NIPBL: variants seen among roughly 807,000 people sequenced by gnomAD.
NIPBL encodes the protein NIPBL cohesin loading factor.
NIPBL carries 19 observed loss-of-function variants against 321.8 expected under a neutral mutation model. That is an observed-to-expected ratio of 0.06 (90% CI 0.04 to 0.09). The LOEUF (loss-of-function observed/expected upper bound fraction) is 0.09, where lower values mean the gene tolerates loss of function less well. Among genes scored for constraint, NIPBL ranks in the 10% least tolerant of loss-of-function variants. The pLI is 1.00. For synonymous variants in NIPBL, 1,106 were observed against 1,114.1 expected (o/e 0.99, Z 0.14); for missense variants, 2,210 against 3,327.0 (o/e 0.66, Z 8.26).
At chr5:36,894,045 T>A (rs2149526912) in intron 1 of NIPBL, among the ~76,000 whole-genome samples, 1 of 152,298 alleles carries the variant, frequency 6.6e-6, no homozygotes, top group East Asian at 1.9e-4. Flanking sequence ...TACTTAAAAA[T>A]ATAAACCATG....
At chr5:36,900,420 A>G (rs1747112208) in intron 1 of NIPBL, among the ~76,000 whole-genome samples, 1 of 152,154 alleles carries the variant, frequency 6.6e-6, no homozygotes, top group Admixed American at 6.5e-5. Flanking sequence ...CTCAGGGCCA[A>G]AGGGGACTGT....
chr5:36,986,275 A>G lies in NIPBL; in HGVS notation c.3095A>G (p.Lys1032Arg). 2 of 1,524,938 alleles carry G rather than the reference A, an allele frequency of 1.3e-6. No individual in the cohort carries two copies. Among genetic ancestry groups the G allele is most frequent in the East Asian group, 2.3e-5 (1 of 44,294 alleles). The allele number at this position is 1,524,938 out of a possible 1,614,324, so 94.5% of individuals were successfully genotyped here. The part of the protein sequence containing the change: ...DKSRSSLKPI[K>R]NKPSKSNKGS... The stretch of plus-strand genomic sequence containing the variant: ...TCAAGAAGTTCCCTTAAACCTATCA[A>G]GAATAAACCATCAAAGTCAAATAAA... Residue 1032 changes from lysine (K) to arginine (R), a missense_variant, in exon 10 of 47, where the codon AAG (lysine) becomes AGG (arginine). Lys to Arg is a conservative substitution (Grantham distance 26). Coordinates refer to ENST00000282516, the MANE Select transcript of NIPBL (RefSeq NM_133433.4).
In NIPBL at chr5:36,876,963, C is replaced by T. The variant is rs1358814378; in HGVS notation, c.-295C>T. 2.5e-6 allele frequency: 1 copy of T among 394,292 alleles called. No homozygotes were observed. The highest frequency in any genetic ancestry group is 2.1e-5 in the African/African-American group (1 of 48,198). The allele number at this position is 394,292 out of a possible 1,614,324, so 24.4% of individuals were successfully genotyped here. ...CCCCCCGGTAGCTCGGGCCCGTGGT[C>T]GGGTGTTTGTGAGTGTTTCTATGTG... On this transcript the variant is annotated 5_prime_UTR_variant, in exon 1 of 47. Coordinates refer to ENST00000282516, the MANE Select transcript of NIPBL (RefSeq NM_133433.4).
At chr5:36,992,710 TTTTATTTA>T (rs70976270) in intron 10 of NIPBL, among the ~76,000 whole-genome samples, 9,601 of 137,640 alleles carry the variant, frequency 0.07, 386 homozygotes, top group African/African-American at 0.097. Context: ...AAGTCATGCA[TTTTATTTA>T]TTTATTTATT....
At chr5:36,901,834 C>A (rs1580184788) in intron 1 of NIPBL, among the ~76,000 whole-genome samples, 1 of 152,116 alleles carries the variant, frequency 6.6e-6, no homozygotes, top group East Asian at 1.9e-4. Context: ...AATTGCTGAA[C>A]TGTTTTCCAC....
intron 1 of NIPBL, among the ~76,000 whole-genome samples, chr5:36,893,187 A>G (rs1193475686): frequency 6.6e-6 from 1 of 152,218 alleles, no homozygotes; most frequent in Non-Finnish European, 1.5e-5. Context: ...TACTAAATCC[A>G]TACATACACT....
rs1050323690 is a variant in NIPBL, at chr5:37,000,750, G to A, written c.3503-67G>A. The A allele has an allele frequency of 2.8e-6, 4 of 1,437,216 alleles. No individual in the cohort carries two copies. In the South Asian group the frequency reaches 3.5e-5, roughly 13 times the overall value. The allele number at this position is 1,437,216 out of a possible 1,614,324, so 89.0% of individuals were successfully genotyped here. A position where few individuals can be genotyped will look rare whatever the true frequency, so the allele number is the denominator to read the frequency against. ...TCTTTAACGTTCAGGAAAAAAACTA[G>A]AAACAAAAATGGAATTATTTTAAGT... On this transcript the variant is annotated intron_variant, in intron 12 of 46. Transcript: ENST00000282516.
chr5:37,029,138 A>G (rs897678927), intron 32 of NIPBL, among the ~76,000 whole-genome samples: 6 of 152,194 alleles, frequency 3.9e-5, no homozygotes, highest in Non-Finnish European at 8.8e-5. Flanking sequence ...TCTCATTTTC[A>G]GTGATTGATC....
At chr5:36,902,995 G>T (rs931598622) in intron 1 of NIPBL, among the ~76,000 whole-genome samples, 1 of 152,038 alleles carries the variant, frequency 6.6e-6, no homozygotes, top group African/African-American at 2.4e-5. Flanking sequence ...TCCCTGGTTA[G>T]CTGTATTCCT....
chr5:37,014,715 T>C lies in NIPBL; in HGVS notation c.4593T>C (p.Tyr1531=), dbSNP rs587783952. Residue 1531 remains tyrosine (Y), a synonymous_variant, in exon 22 of 47, where the codon TAT becomes TAC. Coordinates refer to ENST00000282516, the MANE Select transcript of NIPBL (RefSeq NM_133433.4). ...AGGATGTTGTCATTACTAACTCTTA[T>C]GAAACAGCTATGCGAACAGCCCAAA... ...IDQDVVITNS[Y]ETAMRTAQNF... is the part of the protein sequence containing the mutation. The C allele has an allele frequency of 4.3e-6, 7 of 1,610,142 alleles. No homozygotes were observed. Among genetic ancestry groups the C allele is most frequent in the Non-Finnish European group, 5.9e-6 (7 of 1,176,526 alleles).
At chr5:37,010,583 G>T (rs1321647514) in intron 21 of NIPBL, among the ~76,000 whole-genome samples, 1 of 152,182 alleles carries the variant, frequency 6.6e-6, no homozygotes, top group Non-Finnish European at 1.5e-5. Context: ...TGGGGTTACA[G>T]GTGGGAGCCA....
chr5:37,000,809 C>T lies in NIPBL; in HGVS notation c.3503-8C>T, dbSNP rs773723616. The T allele has an allele frequency of 4.4e-6, 7 of 1,603,092 alleles. No individual in the cohort carries two copies. The South Asian group carries it at 5.5e-5, about 13-fold the overall frequency. On this transcript the variant is annotated splice_region_variant and splice_polypyrimidine_tract_variant and intron_variant, in intron 12 of 46. Coordinates refer to ENST00000282516, the MANE Select transcript of NIPBL (RefSeq NM_133433.4). ...CTGCATTTCAGTACTTCTTTTTGTT[C>T]GTTTTAGTTGCTAGGAAAATGAAGA...
chr5:37,064,683 A>C lies in NIPBL; in HGVS notation c.8206A>C (p.Ser2736Arg). The C allele has an allele frequency of 1.9e-6, 3 of 1,614,194 alleles. No individual in the cohort carries two copies. The highest frequency in any genetic ancestry group is 1.7e-5 in the Admixed American group (1 of 60,012). ...RVVQKTSSGF[S>R]VQWMAGSYSG... ...AGTGCAGAAAACCAGCAGTGGCTTC[A>C]GTGTTCAGTGGATGGCAGGCTCCTA... The change falls in exon 47 of 47, where the codon AGT becomes CGT. Residue 2736 changes from serine to arginine, a missense_variant. Ser to Arg is a moderately radical substitution (Grantham distance 110). Coordinates refer to ENST00000282516, the MANE Select transcript of NIPBL (RefSeq NM_133433.4).
At chr5:36,965,928 T>C (rs1742153262) in intron 6 of NIPBL, among the ~76,000 whole-genome samples, 1 of 152,062 alleles carries the variant, frequency 6.6e-6, no homozygotes. Context: ...TGCATTTTTT[T>C]TCAACTTTAT....
In NIPBL at chr5:36,918,736, G is replaced by C. The variant is rs536859114; in HGVS notation, c.-79-34882G>C. Among the ~76,000 whole-genome samples the C allele has an allele frequency of 4.6e-5, 7 of 152,202 alleles. No individual in the cohort carries two copies. The South Asian group carries it at 1.2e-3, about 27-fold the overall frequency. On this transcript the variant is annotated intron_variant, in intron 1 of 46. Coordinates refer to ENST00000282516, the MANE Select transcript of NIPBL (RefSeq NM_133433.4). The stretch of plus-strand genomic sequence containing the variant: ...TTTATTGAGAGTTTTTAGCATGAAG[G>C]GCTGTTGAATTTTGTCAAAGGCCTT...
chr5:36,897,089 A>G (rs1262315400), intron 1 of NIPBL, among the ~76,000 whole-genome samples: 2 of 150,582 alleles, frequency 1.3e-5, no homozygotes, highest in Non-Finnish European at 3.0e-5. Context: ...TGCAACCTCC[A>G]CTTCCCAGGT....
chr5:36,974,660 C>T (rs1743240076), intron 8 of NIPBL, among the ~76,000 whole-genome samples: 1 of 151,898 alleles, frequency 6.6e-6, no homozygotes, highest in African/African-American at 2.4e-5. Flanking sequence ...TTAATTGCTC[C>T]CATATCATCT....
At chr5:37,042,325 CTCGACAGGCT>C (rs905485931) in intron 34 of NIPBL, among the ~76,000 whole-genome samples, 11 of 151,702 alleles carry the variant, frequency 7.3e-5, no homozygotes, top group African/African-American at 2.7e-4. Context: ...GTCCCAGCTC[CTCGACAGGCT>C]AAAGCAGGAG....
At chr5:36,890,091 T>A (rs1006298997) in intron 1 of NIPBL, among the ~76,000 whole-genome samples, 8 of 152,148 alleles carry the variant, frequency 5.3e-5, no homozygotes, top group African/African-American at 1.9e-4. Flanking sequence ...TCATAAAGAT[T>A]TTCCTAGTTT....
Sources: allele counts gnomAD v4.1 joint callset (sites outside exome capture counted in the v4.1 genomes callset), GRCh38; gene constraint gnomAD v4.1.1; transcripts MANE v1.5; gene names NCBI Gene and HGNC (gene_info 2026-07-23, HGNC 2026-07-21).